Variants in LEPR observed in about 807,000 individuals in gnomAD.
The protein encoded by LEPR is leptin receptor.
LEPR carries 56 observed loss-of-function variants against 114.7 expected under a neutral mutation model. That is an observed-to-expected ratio of 0.49 (90% CI 0.39 to 0.61). The LOEUF is 0.61. Ranked by LOEUF, LEPR falls within the 20% of genes least tolerant of loss-of-function variation. The probability of loss-of-function intolerance (pLI) is 0.00; values close to 1 mark genes in which losing one functional copy is unlikely to be tolerated. For synonymous variants in LEPR, 443 were observed against 461.4 expected (o/e 0.96, Z 0.51); for missense variants, 1,202 against 1,352.9 (o/e 0.89, Z 1.75).
At chr1:65,628,644 T>C (rs1658352906) in intron 19 of LEPR, among the ~76,000 whole-genome samples, 1 of 152,164 alleles carries the variant, frequency 6.6e-6, no homozygotes, top group African/African-American at 2.4e-5. Flanking sequence ...TTTGGACTGG[T>C]CTGTAGTATT....
chr1:65,444,409 G>A (rs1264286633), intron 2 of LEPR, among the ~76,000 whole-genome samples: 2 of 152,056 alleles, frequency 1.3e-5, no homozygotes, highest in African/African-American at 4.8e-5. Flanking sequence ...AGCTTAAAAT[G>A]CTATTGAAGC....
intron 2 of LEPR, among the ~76,000 whole-genome samples, chr1:65,462,865 A>AT (rs1360281257): frequency 6.6e-6 from 1 of 151,412 alleles, no homozygotes; most frequent in East Asian, 1.9e-4. Context: ...TTTCTTATAA[A>AT]TTTAAGTTCT....
chr1:65,462,139 T>TA lies in LEPR; in HGVS notation c.-21+36762dup, dbSNP rs1570495708. On this transcript the variant is annotated intron_variant, in intron 2 of 19. Coordinates refer to ENST00000349533, the MANE Select transcript of LEPR (RefSeq NM_002303.6). ...CATTACTAATTAGGGTTACTAATGC[T>TA]ATCCCTCTCCCATCCCCCCACCCGC... 3.3e-5 allele frequency among the ~76,000 whole-genome samples: 5 copies of TA among 152,320 alleles called. 1 individual carries two copies.
At position 65,504,936 on chromosome 1, in the gene LEPR, C is replaced by A. The variant is rs115075620; in HGVS notation, c.-20-60610C>A. 4.6e-3 allele frequency among the ~76,000 whole-genome samples: 702 copies of A among 152,150 alleles called. 7 individuals carry two copies. The highest frequency in any genetic ancestry group is 0.016 in the African/African-American group (677 of 41,494). On this transcript the variant is annotated intron_variant, in intron 2 of 19. Coordinates refer to ENST00000349533, the MANE Select transcript of LEPR (RefSeq NM_002303.6). ...AAAGTTTATTTTAAAAAATCTCATT[C>A]CAAGTTTTACCCCATTCCAATTAAA...
At position 65,637,277 on chromosome 1, in the gene LEPR, G is replaced by T; in HGVS notation, c.*262G>T. The stretch of plus-strand genomic sequence containing the variant: ...GTCCCTTGTTTCCAGCTAGAAATAA[G>T]CCCAACAGACACCATCTTTTGTGAG... On this transcript the variant is annotated 3_prime_UTR_variant, in exon 20 of 20. Transcript: ENST00000349533. The T allele has an allele frequency of 5.5e-6, 2 of 360,444 alleles. No homozygotes were observed. The highest frequency in any genetic ancestry group is 1.0e-5 in the Non-Finnish European group (2 of 197,042). The allele number at this position is 360,444 out of a possible 1,614,324, so 22.3% of individuals were successfully genotyped here.
At chr1:65,516,994 C>T (rs1186437424) in intron 2 of LEPR, among the ~76,000 whole-genome samples, 1 of 152,188 alleles carries the variant, frequency 6.6e-6, no homozygotes, top group Non-Finnish European at 1.5e-5. Flanking sequence ...CTCTTTACAC[C>T]ATAATAACCG....
At chr1:65,565,493 T>G in intron 2 of LEPR, 53 bp from the exon 3 acceptor site, 1 of 1,559,788 alleles carries the variant, frequency 6.4e-7, no homozygotes, top group Non-Finnish European at 8.8e-7. Context: ...ACAACTTATA[T>G]ATATGTGTTT....
intron 5 of LEPR, among the ~76,000 whole-genome samples, chr1:65,581,474 T>A (rs991010514): frequency 1.3e-5 from 2 of 152,044 alleles, no homozygotes; most frequent in East Asian, 3.9e-4. Context: ...CATTTTGTTC[T>A]GTCTCTGTCT....
intron 2 of LEPR, chr1:65,433,811 A>G: frequency 1.0e-6 from 1 of 978,154 alleles, no homozygotes. Flanking sequence ...TTAAAAGTTT[A>G]ACTTTAAAAT....
intron 2 of LEPR, among the ~76,000 whole-genome samples, chr1:65,514,257 A>T (rs1335426015): frequency 6.6e-6 from 1 of 152,226 alleles, no homozygotes; most frequent in Non-Finnish European, 1.5e-5. Context: ...ATGCCAGCAG[A>T]TTCCAAAGGG....
intron 2 of LEPR, among the ~76,000 whole-genome samples, chr1:65,511,756 C>A (rs1402015526): frequency 6.6e-6 from 1 of 152,082 alleles, no homozygotes; most frequent in Non-Finnish European, 1.5e-5. Flanking sequence ...CAGGAAAATG[C>A]CACAATCTGT....
chr1:65,439,940 G>A (rs1646626193), intron 2 of LEPR, among the ~76,000 whole-genome samples: 1 of 145,198 alleles, frequency 6.9e-6, no homozygotes, highest in Non-Finnish European at 1.5e-5. Context: ...GGCGGAGGTT[G>A]CAGTGAGCCA....
intron 6 of LEPR, among the ~76,000 whole-genome samples, chr1:65,595,296 AT>A (rs869239130): frequency 7.7e-5 from 3 of 39,204 alleles, no homozygotes; most frequent in African/African-American, 3.7e-4. Flanking sequence ...AGGCATACAT[AT>A]ACATAAGGGG....
At chr1:65,579,294 G>A (rs1003383736) in intron 5 of LEPR, among the ~76,000 whole-genome samples, 6 of 152,200 alleles carry the variant, frequency 3.9e-5, no homozygotes, top group African/African-American at 1.4e-4. Context: ...ATGTCCCAGG[G>A]TGGATAATTA....
At position 65,638,176 on chromosome 1, in the gene LEPR, C is replaced by T. The variant is rs890840377; in HGVS notation, c.*1161C>T. The T allele has an allele frequency of 1.3e-5, 2 of 151,984 alleles. No individual in the cohort carries two copies. The highest frequency in any genetic ancestry group is 2.9e-5 in the Non-Finnish European group (2 of 68,010). The allele number at this position is 151,984 out of a possible 1,614,324, so 9.4% of individuals were successfully genotyped here. A position where few individuals can be genotyped will look rare whatever the true frequency, so the allele number is the denominator to read the frequency against. On this transcript the variant is annotated 3_prime_UTR_variant, in exon 20 of 20. Transcript: ENST00000349533. ...ACTAGCCGGGGCAACATAGTGAGGC[C>T]TCGTCTCTACAAAAAACACAAAAAT...
intron 2 of LEPR, among the ~76,000 whole-genome samples, chr1:65,466,609 C>G (rs975075811): frequency 2.0e-5 from 3 of 152,156 alleles, no homozygotes; most frequent in Non-Finnish European, 4.4e-5. Flanking sequence ...TAGATAATAT[C>G]CTGAAGAGTG....
At chr1:65,525,867 C>G in intron 2 of LEPR, 1 of 976,468 alleles carries the variant, frequency 1.0e-6, no homozygotes, top group Non-Finnish European at 1.2e-6. Flanking sequence ...CCTCTTCCCG[C>G]TCTGGGTAAC....
intron 2 of LEPR, among the ~76,000 whole-genome samples, chr1:65,463,329 T>TTGTAGATG (rs1405896373): frequency 1.3e-5 from 2 of 152,136 alleles, no homozygotes; most frequent in Non-Finnish European, 2.9e-5. Flanking sequence ...GATCAGATGG[T>TTGTAGATG]TGTAGATGTG....
At chr1:65,449,987 T>G (rs1004448790) in intron 2 of LEPR, among the ~76,000 whole-genome samples, 2 of 152,182 alleles carry the variant, frequency 1.3e-5, no homozygotes, top group Non-Finnish European at 2.9e-5. Context: ...AATTTTAAAT[T>G]TCTCTGAGAT....
Sources: gnomAD v4.1 joint callset for allele counts (sites outside exome capture counted in the v4.1 genomes callset) on GRCh38, gnomAD v4.1.1 for gene constraint, MANE v1.5 for transcripts, NCBI Gene and HGNC (gene_info 2026-07-23, HGNC 2026-07-21) for gene names.